CAMKMT: variants seen among roughly 807,000 people sequenced by gnomAD.
CAMKMT encodes the protein CaM KMT.
CAMKMT carries 53 observed loss-of-function variants against 48.0 expected under a neutral mutation model. The observed-to-expected ratio is 1.10, with a 90% CI of 0.89 to 1.39. The LOEUF (loss-of-function observed/expected upper bound fraction) is 1.39, where lower values mean the gene tolerates loss of function less well. Among genes scored for constraint, CAMKMT ranks in the 40% most tolerant of loss-of-function variants. The pLI is 0.00. For missense variants in CAMKMT, 428 were observed against 402.7 expected, an observed-to-expected ratio of 1.06 and a Z score of -0.54; for synonymous variants, 165 against 152.3, an observed-to-expected ratio of 1.08 and a Z score of -0.61.
intron 3 of CAMKMT, among the ~76,000 whole-genome samples, chr2:44,652,736 G>A (rs1454012592): frequency 6.6e-6 from 1 of 152,194 alleles, no homozygotes; most frequent in African/African-American, 2.4e-5. Context: ...AGGAGTGTGG[G>A]AGTGGGAGTG....
intron 3 of CAMKMT, among the ~76,000 whole-genome samples, chr2:44,421,921 TCA>T (rs762484138): frequency 6.6e-6 from 1 of 152,212 alleles, no homozygotes; most frequent in Non-Finnish European, 1.5e-5. Flanking sequence ...CAAGCAATTC[TCA>T]GAGTATATTT....
At chr2:44,601,053 A>G (rs1025649763) in intron 3 of CAMKMT, among the ~76,000 whole-genome samples, 1 of 152,158 alleles carries the variant, frequency 6.6e-6, no homozygotes, top group Non-Finnish European at 1.5e-5. Context: ...TATAACATCT[A>G]GCTATATTTT....
At chr2:44,523,334 C>A (rs1425151732) in intron 3 of CAMKMT, among the ~76,000 whole-genome samples, 1 of 149,388 alleles carries the variant, frequency 6.7e-6, no homozygotes, top group Non-Finnish European at 1.5e-5. Flanking sequence ...ACTCTGTCGC[C>A]CAGGGTATAG....
intron 3 of CAMKMT, among the ~76,000 whole-genome samples, chr2:44,702,502 T>C (rs1441015263): frequency 6.6e-6 from 1 of 152,138 alleles, no homozygotes; most frequent in Non-Finnish European, 1.5e-5. Context: ...TCCTGTGAGG[T>C]TGACAATACT....
At chr2:44,627,006 A>AT (rs886928064) in intron 3 of CAMKMT, among the ~76,000 whole-genome samples, 37 of 152,054 alleles carry the variant, frequency 2.4e-4, no homozygotes, top group African/African-American at 7.5e-4. Flanking sequence ...TTAAGTATAG[A>AT]TTTTTTTGGT....
At chr2:44,560,182 G>T (rs1167453196) in intron 3 of CAMKMT, among the ~76,000 whole-genome samples, 1 of 152,182 alleles carries the variant, frequency 6.6e-6, no homozygotes, top group Non-Finnish European at 1.5e-5. Context: ...TCCATCAACT[G>T]ACTTGGCCAG....
At chr2:44,579,207 T>C (rs753548412) in intron 3 of CAMKMT, among the ~76,000 whole-genome samples, 10 of 148,760 alleles carry the variant, frequency 6.7e-5, no homozygotes, top group Non-Finnish European at 1.2e-4. Context: ...TACCCACATA[T>C]ATAAAATAGT....
chr2:44,551,129 AAGATTATGT>A (rs5830795), intron 3 of CAMKMT, among the ~76,000 whole-genome samples: 69,525 of 151,554 alleles, frequency 0.46, 17,516 homozygotes, highest in Non-Finnish European at 0.58. Flanking sequence ...ATGTAGTCAC[AAGATTATGT>A]AGTCCTGTTT....
chr2:44,475,661 C>T (rs1257120196), intron 3 of CAMKMT, among the ~76,000 whole-genome samples: 1 of 152,094 alleles, frequency 6.6e-6, no homozygotes, highest in Non-Finnish European at 1.5e-5. Context: ...GCAAGTAGAG[C>T]TGGCAACATT....
intron 3 of CAMKMT, among the ~76,000 whole-genome samples, chr2:44,572,738 T>C (rs1370125090): frequency 6.6e-6 from 1 of 152,224 alleles, no homozygotes; most frequent in Non-Finnish European, 1.5e-5. Flanking sequence ...AACGCTGCTA[T>C]GGACACAGGT....
chr2:44,697,955 G>C lies in CAMKMT; in HGVS notation c.377-6328G>C, dbSNP rs1180272665. On this transcript the variant is annotated intron_variant, in intron 3 of 10. Transcript: ENST00000378494. ...TGGGGAAGCAGAAATACTGGGGAAAGGGGCTTGGTGCTACTGTTTGTCTTA... is the reference window on the plus strand; with the variant it reads ...TGGGGAAGCAGAAATACTGGGGAAACGGGCTTGGTGCTACTGTTTGTCTTA... Among the ~76,000 whole-genome samples the C allele has an allele frequency of 3.9e-5, 6 of 152,270 alleles. No individual in the cohort carries two copies. The East Asian group carries it at 9.6e-4, about 24-fold the overall frequency.
chr2:44,474,116 G>C (rs1349672416), intron 3 of CAMKMT, among the ~76,000 whole-genome samples: 6 of 152,066 alleles, frequency 3.9e-5, no homozygotes, highest in East Asian at 1.9e-4. Flanking sequence ...GTTCTTCTTT[G>C]GAATTGTGAA....
chr2:44,527,930 A>G (rs1161090631), intron 3 of CAMKMT, among the ~76,000 whole-genome samples: 2 of 152,076 alleles, frequency 1.3e-5, no homozygotes, highest in Non-Finnish European at 2.9e-5. Context: ...TGACAAATGT[A>G]TAAATGACAT....
chr2:44,461,814 G>A (rs1034702043), intron 3 of CAMKMT, among the ~76,000 whole-genome samples: 1 of 152,024 alleles, frequency 6.6e-6, no homozygotes, highest in African/African-American at 2.4e-5. Flanking sequence ...ATGATAATAC[G>A]ATCAATTCCT....
At chr2:44,511,869 C>T (rs771173373) in intron 3 of CAMKMT, among the ~76,000 whole-genome samples, 10 of 152,180 alleles carry the variant, frequency 6.6e-5, no homozygotes, top group Non-Finnish European at 1.2e-4. Context: ...TTTAATAATA[C>T]TGCAAACCAA....
At chr2:44,523,693 C>G (rs994469676) in intron 3 of CAMKMT, among the ~76,000 whole-genome samples, 1 of 151,644 alleles carries the variant, frequency 6.6e-6, no homozygotes, top group Admixed American at 6.6e-5. Flanking sequence ...TATAGAGTAC[C>G]TGTATATGAC....
At chr2:44,384,320 ATTGT>A (rs1374755113) in intron 2 of CAMKMT, among the ~76,000 whole-genome samples, 3 of 150,530 alleles carry the variant, frequency 2.0e-5, no homozygotes, top group Non-Finnish European at 3.0e-5. Context: ...TTTTGATGGG[ATTGT>A]TTGTTTTTTT....
intron 3 of CAMKMT, among the ~76,000 whole-genome samples, chr2:44,437,248 T>A (rs186890642): frequency 4.1e-4 from 62 of 152,278 alleles, no homozygotes; most frequent in Non-Finnish European, 7.6e-4. Context: ...TATCTGAGAT[T>A]TTTGCTGATA....
chr2:44,458,273 C>T (rs983781147), intron 3 of CAMKMT, among the ~76,000 whole-genome samples: 1 of 152,074 alleles, frequency 6.6e-6, no homozygotes, highest in African/African-American at 2.4e-5. Flanking sequence ...TCTCGAACTC[C>T]TGATCTCAAG....
Sources: gnomAD v4.1 joint callset for allele counts (sites outside exome capture counted in the v4.1 genomes callset) on GRCh38, gnomAD v4.1.1 for gene constraint, MANE v1.5 for transcripts, NCBI Gene and HGNC (gene_info 2026-07-23, HGNC 2026-07-21) for gene names.